FBF1: variants seen among roughly 807,000 people sequenced by gnomAD.
The protein encoded by FBF1 is Fas binding factor 1, also known as fas-binding factor 1.
A neutral mutation model predicts 147.2 loss-of-function variants in FBF1; 119 were observed. The ratio of observed to expected loss-of-function variants is 0.81; its 90% CI spans 0.70 to 0.94. The LOEUF is 0.94. Among genes scored for constraint, FBF1 ranks in the 40% least tolerant of loss-of-function variants. The probability of loss-of-function intolerance (pLI) is 0.00; values close to 1 mark genes in which losing one functional copy is unlikely to be tolerated. For missense variants in FBF1, 1,449 were observed against 1,500.8 expected, an observed-to-expected ratio of 0.97 and a Z score of 0.57; for synonymous variants, 601 against 609.0, an observed-to-expected ratio of 0.99 and a Z score of 0.19.
Position 75,918,123 on chromosome 17 carries a change from C to G in FBF1, c.2246+39G>C. ...TGACGGTCTCGGGGACCTTCCGGCC[C>G]CCAACGTCAGGCGGGCATGGTTGGG... On this transcript the variant is annotated intron_variant, in intron 21 of 29. Coordinates refer to ENST00000636174, the MANE Select transcript of FBF1 (RefSeq NM_001319193.2). This position sits in a 1 kb window ranked among gnomAD's most constrained non-coding sequence, Gnocchi z 5.8. 1 of 1,609,660 alleles carries G rather than the reference C, an allele frequency of 6.2e-7. No homozygotes were observed. The highest frequency in any genetic ancestry group is 1.3e-5 in the African/African-American group (1 of 74,992).
chr17:75,933,015 AG>A lies in FBF1; in HGVS notation c.146del (p.Pro49LeufsTer44). 1 of 1,602,024 alleles carries A rather than the reference AG, an allele frequency of 6.2e-7. No individual in the cohort carries two copies. The highest frequency in any genetic ancestry group is 8.5e-7 in the Non-Finnish European group (1 of 1,170,566). On this transcript the variant is annotated frameshift_variant, in exon 5 of 30. Coordinates refer to ENST00000636174, the MANE Select transcript of FBF1 (RefSeq NM_001319193.2). LOFTEE classifies it high-confidence loss of function. ...RDTTGVSQMF[P>X]SSKARTKSLL... ...CTTACTTTGTTCTCGCCTTTGAAGA[AG>A]GGAACATCTGAGATACACCTGTGGT...
Position 75,935,626 on chromosome 17 carries a change from A to G in FBF1, c.73+6T>C, listed in dbSNP as rs892322938. 1 of 1,536,674 alleles carries G rather than the reference A, an allele frequency of 6.5e-7. No individual in the cohort carries two copies. Among genetic ancestry groups the G allele is most frequent in the African/African-American group, 1.4e-5 (1 of 73,106 alleles). ...AATTAGGGGATTCTGGGCAAGGCAC[A>G]CTTACTATCATCCCCTAGAAGGTCA... On this transcript the variant is annotated splice_donor_region_variant and intron_variant, in intron 4 of 29. Coordinates refer to ENST00000636174, the MANE Select transcript of FBF1 (RefSeq NM_001319193.2).
intron 6 of FBF1, 68 bp from the exon 7 acceptor site, chr17:75,930,115 G>C: frequency 7.7e-7 from 1 of 1,290,990 alleles, no homozygotes; most frequent in Non-Finnish European, 1.1e-6. Context: ...TAAAACTCAG[G>C]GTCCTGGCCC....
Position 75,928,240 on chromosome 17 carries a change from C to T in FBF1, c.280-47G>A. Reference sequence around the variant, plus strand: ...GCAGAGGACTATGTCTGATAAGGGGCTGAGGACTTCCACCTGAGAGAGATG... The same window carrying T: ...GCAGAGGACTATGTCTGATAAGGGGTTGAGGACTTCCACCTGAGAGAGATG... On this transcript the variant is annotated intron_variant, in intron 7 of 29. Transcript: ENST00000636174. The surrounding 1 kb of genome is among the most constrained non-coding windows in gnomAD (Gnocchi z 4.2). The T allele has an allele frequency of 1.3e-6, 2 of 1,513,758 alleles. No homozygotes were observed. Among genetic ancestry groups the T allele is most frequent in the Non-Finnish European group, 1.8e-6 (2 of 1,090,308 alleles). 93.8% of individuals were successfully genotyped at this position (1,513,758 alleles called of 1,614,324 possible).
At position 75,922,752 on chromosome 17, in the gene FBF1, T is replaced by G. The variant is rs1418083066; in HGVS notation, c.1424+434A>C. Among the ~76,000 whole-genome samples, 2 of 152,044 alleles carry G rather than the reference T, an allele frequency of 1.3e-5. No individual in the cohort carries two copies. Reference sequence around the variant, plus strand: ...TCGGCCACTATGTCTCCTCTAACACTCTCAAAGAGCACAGGGACATCTCAG... The same window carrying G: ...TCGGCCACTATGTCTCCTCTAACACGCTCAAAGAGCACAGGGACATCTCAG... On this transcript the variant is annotated intron_variant, in intron 14 of 29. Coordinates refer to ENST00000636174, the MANE Select transcript of FBF1 (RefSeq NM_001319193.2). This position sits in a 1 kb window ranked among gnomAD's most constrained non-coding sequence, Gnocchi z 5.0.
chr17:75,928,756 C>T lies in FBF1; in HGVS notation c.280-563G>A, dbSNP rs1332432734. Among the ~76,000 whole-genome samples the T allele has an allele frequency of 1.3e-5, 2 of 151,724 alleles. No individual in the cohort carries two copies. Among genetic ancestry groups the T allele is most frequent in the African/African-American group, 2.4e-5 (1 of 41,330 alleles). ...CTGGGAGGTGGAGGTTGCAGTGAGC[C>T]GAGATCATGCCACTGCACTCCAGCC... is the stretch of plus-strand genomic sequence containing the variant. On this transcript the variant is annotated intron_variant, in intron 7 of 29. Transcript: ENST00000636174. This position sits in a 1 kb window ranked among gnomAD's most constrained non-coding sequence, Gnocchi z 4.2.
In FBF1 at chr17:75,920,294, G is replaced by C; in HGVS notation, c.1810C>G (p.Leu604Val). Residue 604 changes from leucine (L) to valine (V), a missense_variant, in exon 18 of 30, where the codon CTG becomes GTG. Physicochemically the swap from Leu to Val is conservative, Grantham distance 32. Transcript: ENST00000636174. ...CTCACCTGGGCCTCCAGCTCTGCCA[G>C]CCGGGCCTGGCTATGCAGCAGCTCG... ...QAELLHSQAR[L>V]AELEAQVRKL... 1 of 1,610,782 alleles carries C rather than the reference G, an allele frequency of 6.2e-7. No homozygotes were observed. The highest frequency in any genetic ancestry group is 1.1e-5 in the South Asian group (1 of 90,890).
chr17:75,914,506 G>T, intron 25 of FBF1: 2 of 892,050 alleles, frequency 2.2e-6, no homozygotes, highest in Non-Finnish European at 3.3e-6. Flanking sequence ...TCTGAAGTTC[G>T]GTTTCCTCAT....
At chr17:75,930,526 G>A (rs1420183096) in intron 6 of FBF1, among the ~76,000 whole-genome samples, 3 of 152,336 alleles carry the variant, frequency 2.0e-5, no homozygotes, top group Admixed American at 6.5e-5. Context: ...TTGGGAGGCC[G>A]AGGCGGGTAG....
chr17:75,935,527 G>A lies in FBF1; in HGVS notation c.73+105C>T, dbSNP rs1278790891. 1.1e-5 allele frequency: 13 copies of A among 1,192,630 alleles called. No individual in the cohort carries two copies. In the East Asian group the frequency reaches 3.4e-4, roughly 31 times the overall value. The allele number at this position is 1,192,630 out of a possible 1,614,324, so 73.9% of individuals were successfully genotyped here. A position where few individuals can be genotyped will look rare whatever the true frequency, so the allele number is the denominator to read the frequency against. ...CAGCACTTTGGTTTAGGAGGCGGGA[G>A]GATCATTTCAGTCCAGAAGCTTGGG... On this transcript the variant is annotated intron_variant, in intron 4 of 29. Coordinates refer to ENST00000636174, the MANE Select transcript of FBF1 (RefSeq NM_001319193.2).
Position 75,926,379 on chromosome 17 carries a change from CT to C in FBF1, c.642del (p.Glu215LysfsTer28). On this transcript the variant is annotated frameshift_variant, in exon 11 of 30. Coordinates refer to ENST00000636174, the MANE Select transcript of FBF1 (RefSeq NM_001319193.2). LOFTEE classifies it high-confidence loss of function. ...LTPGDTPIRK[K>X]EELLFDDGDD... Reference sequence around the variant, plus strand: ...TCCCCATCATCAAACAACAATTCTTCTTTTTTTCGGATGGGGGTGTCCCCAG... The same window carrying C: ...TCCCCATCATCAAACAACAATTCTTCTTTTTTCGGATGGGGGTGTCCCCAG... 4 of 1,606,702 alleles carry C rather than the reference CT, an allele frequency of 2.5e-6. No homozygotes were observed. Among genetic ancestry groups the C allele is most frequent in the South Asian group, 1.1e-5 (1 of 89,804 alleles).
In FBF1 at chr17:75,910,460, C is replaced by A; in HGVS notation, c.*263G>T. On this transcript the variant is annotated 3_prime_UTR_variant, in exon 30 of 30. Transcript: ENST00000636174. The surrounding 1 kb of genome is among the most constrained non-coding windows in gnomAD (Gnocchi z 4.1). ...TGGGGGTCCTTGCTGCCAACTCAGACCCTCAGATCCAAGCCAATGGCTTTG... is the reference window on the plus strand; with the variant it reads ...TGGGGGTCCTTGCTGCCAACTCAGAACCTCAGATCCAAGCCAATGGCTTTG... 2 of 466,376 alleles carry A rather than the reference C, an allele frequency of 4.3e-6. No individual in the cohort carries two copies. Among genetic ancestry groups the A allele is most frequent in the Non-Finnish European group, 7.7e-6 (2 of 258,766 alleles). 28.9% of individuals were successfully genotyped at this position (466,376 alleles called of 1,614,324 possible).
intron 15 of FBF1, 80 bp downstream of exon 15, chr17:75,921,865 C>T: frequency 7.8e-7 from 1 of 1,277,644 alleles, no homozygotes; most frequent in Admixed American, 2.1e-5. Flanking sequence ...GGTGAACAGC[C>T]TCTGTGTCCC....
At chr17:75,913,615 TG>T in intron 28 of FBF1, 86 bp downstream of exon 28, 1 of 1,058,996 alleles carries the variant, frequency 9.4e-7, no homozygotes, top group Non-Finnish European at 1.3e-6. Flanking sequence ...CCGCCTTAAC[TG>T]GAGCGGCTGG....
At chr17:75,927,417 C>T in intron 9 of FBF1, 38 bp downstream of exon 9, 1 of 1,545,676 alleles carries the variant, frequency 6.5e-7, no homozygotes, top group East Asian at 2.4e-5. Flanking sequence ...CACTCCCAAA[C>T]CAGAGTGTCC....
At chr17:75,932,108 C>T (rs1404674080) in intron 5 of FBF1, among the ~76,000 whole-genome samples, 7 of 152,128 alleles carry the variant, frequency 4.6e-5, no homozygotes, top group South Asian at 4.2e-4. Flanking sequence ...TGGCCAGGCG[C>T]GGTGGCGCAC....
chr17:75,938,270 G>A (rs1221816022), intron 1 of FBF1, 38 bp from the exon 2 acceptor site: 2 of 1,473,742 alleles, frequency 1.4e-6, no homozygotes, highest in Non-Finnish European at 1.9e-6. Flanking sequence ...TAAAAATGAT[G>A]TAGCTTTGGC....
chr17:75,920,574 G>T (rs2065519531), intron 17 of FBF1, 145 bp from the exon 18 acceptor site: 12 of 851,158 alleles, frequency 1.4e-5, no homozygotes, highest in Middle Eastern at 3.6e-4. Context: ...GAAAGTAACA[G>T]TCACTGCGGC....
rs879394673 is a variant in FBF1 at position 75,922,683 on chromosome 17, C to A, written c.1424+503G>T. On this transcript the variant is annotated intron_variant, in intron 14 of 29. Coordinates refer to ENST00000636174, the MANE Select transcript of FBF1 (RefSeq NM_001319193.2). This position sits in a 1 kb window ranked among gnomAD's most constrained non-coding sequence, Gnocchi z 5.0. ...TGCCTTCCTGCCTTCAGAGGTCACT[C>A]GCTATCCTGCCCCACGGATAAGGGC... Among the ~76,000 whole-genome samples the A allele has an allele frequency of 2.0e-5, 3 of 152,216 alleles. No homozygotes were observed. The highest frequency in any genetic ancestry group is 4.4e-5 in the Non-Finnish European group (3 of 68,042).
Sources: gnomAD v4.1 joint callset for allele counts (sites outside exome capture counted in the v4.1 genomes callset) on GRCh38, gnomAD v4.1.1 for gene constraint, Gnocchi (gnomAD v3.1) non-coding constraint, MANE v1.5 for transcripts, NCBI Gene and HGNC (gene_info 2026-07-23, HGNC 2026-07-21) for gene names.